Variants in TSGA10 observed in about 807,000 individuals in gnomAD.
TSGA10 encodes the protein testis-specific gene 10 protein.
In TSGA10, 43 loss-of-function variants were observed where a neutral mutation model predicts 96.6. The ratio of observed to expected loss-of-function variants is 0.44; its 90% CI spans 0.35 to 0.57. The LOEUF (loss-of-function observed/expected upper bound fraction) is 0.57. Ranked by LOEUF, TSGA10 falls within the 20% of genes least tolerant of loss-of-function variation. The probability of loss-of-function intolerance (pLI) is 0.01; values close to 1 mark genes in which losing one functional copy is unlikely to be tolerated. For synonymous variants in TSGA10, 229 were observed against 269.9 expected, an observed-to-expected ratio of 0.85 and a Z score of 1.48; for missense variants, 703 against 834.4, an observed-to-expected ratio of 0.84 and a Z score of 1.94.
intron 1 of TSGA10, among the ~76,000 whole-genome samples, chr2:99,139,185 C>T (rs1395406701): frequency 1.3e-5 from 2 of 152,058 alleles, no homozygotes; most frequent in Non-Finnish European, 1.5e-5. Flanking sequence ...ATCACTTGAG[C>T]CCGGGAGGTC....
intron 11 of TSGA10, among the ~76,000 whole-genome samples, chr2:99,080,128 C>T (rs1332153500): frequency 2.0e-5 from 3 of 152,116 alleles, no homozygotes; most frequent in Non-Finnish European, 4.4e-5. Flanking sequence ...TCTTGAGAGA[C>T]TTCTATTCTT....
rs769926254 is a variant in TSGA10, at chr2:99,081,392, A to G, written c.617T>C (p.Leu206Ser). The G allele has an allele frequency of 1.1e-5, 17 of 1,538,426 alleles. No individual in the cohort carries two copies. The South Asian group carries it at 1.8e-4, about 16-fold the overall frequency. ...QKAENNSLRL[L>S]YENTEKDLSD... is the part of the protein sequence containing the mutation. ...AAGATCTTTTTCTGTGTTTTCATAC[A>G]AAAGTCTGCAAATATTTTAATAATA... The change falls in exon 11 of 21, where the codon TTG (leucine) becomes TCG (serine). Residue 206 changes from leucine (L) to serine (S), a missense_variant. Physicochemically the swap from Leu to Ser is moderately radical, Grantham distance 145 (BLOSUM62 -2). This residue lies in a region of TSGA10 where 585 missense variants were observed against 656.8 expected (regional missense o/e 0.89). Coordinates refer to ENST00000393483, the MANE Select transcript of TSGA10 (RefSeq NM_025244.4).
Position 99,035,239 on chromosome 2 carries a change from T to G in TSGA10, c.1605A>C (p.Glu535Asp), listed in dbSNP as rs766435883. The change falls in exon 17 of 21, where the codon GAA (glutamate) becomes GAC (aspartate). Residue 535 changes from glutamate to aspartate, a missense_variant. By Grantham distance (45) the Glu-to-Asp change is conservative. Around this residue, in one of 3 missense-constraint regions of TSGA10, gnomAD observed 585 missense variants for 656.8 expected, o/e 0.89. Coordinates refer to ENST00000393483, the MANE Select transcript of TSGA10 (RefSeq NM_025244.4). ...AAAATATATTACATACCATTTCTAT[T>G]TCTTGATCTTTAGCAACCAGCTGTC... Reference protein sequence around the residue: ...LNRQLVAKDQEIEMRENELDS... With the variant: ...LNRQLVAKDQDIEMRENELDS... 1.9e-6 allele frequency: 3 copies of G among 1,606,408 alleles called. No individual in the cohort carries two copies. Among genetic ancestry groups the G allele is most frequent in the Non-Finnish European group, 2.6e-6 (3 of 1,175,908 alleles).
chr2:99,068,983 AT>A lies in TSGA10; in HGVS notation c.1122del (p.Lys374AsnfsTer2). 2.7e-6 allele frequency: 4 copies of A among 1,463,870 alleles called. No individual in the cohort carries two copies. Among genetic ancestry groups the A allele is most frequent in the South Asian group, 1.6e-5 (1 of 61,314 alleles). 90.7% of individuals were successfully genotyped at this position (1,463,870 alleles called of 1,614,324 possible). A position where few individuals can be genotyped will look rare whatever the true frequency, so the allele number is the denominator to read the frequency against. ...TTAAGTTCATTATGAGTGTCATTCA[AT>A]TTTTTGGACAGTGCCTACGAAAAAA... ...AKQENQALSK[K>X]LNDTHNELND... On this transcript the variant is annotated frameshift_variant, in exon 15 of 21. Transcript: ENST00000393483. LOFTEE classifies it high-confidence loss of function.
rs577855932 is a variant in TSGA10 at position 99,001,335 on chromosome 2, A to G, written c.2073-3114T>C. Reference sequence around the variant, plus strand: ...CAGCCTCCGCTGGTGATACCGAGGCAAACAGGATCTGGAGTGGACCTCCAG... The same window carrying G: ...CAGCCTCCGCTGGTGATACCGAGGCGAACAGGATCTGGAGTGGACCTCCAG... On this transcript the variant is annotated intron_variant, in intron 20 of 20. Transcript: ENST00000393483. Among the ~76,000 whole-genome samples the G allele has an allele frequency of 1.6e-4, 24 of 152,326 alleles. 1 individual carries two copies. The East Asian group carries it at 4.6e-3, about 29-fold the overall frequency.
intron 14 of TSGA10, among the ~76,000 whole-genome samples, chr2:99,070,699 A>C (rs956367824): frequency 6.6e-6 from 1 of 152,154 alleles, no homozygotes; most frequent in Admixed American, 6.5e-5. Flanking sequence ...TAAAGAGTAC[A>C]CAAAGGCAAA....
chr2:99,099,220 G>A (rs549935717), intron 10 of TSGA10, among the ~76,000 whole-genome samples: 148 of 152,334 alleles, frequency 9.7e-4, no homozygotes, highest in African/African-American at 3.4e-3. Flanking sequence ...GCTGAGGCAG[G>A]AGAATCACTT....
At position 99,105,711 on chromosome 2, in the gene TSGA10, C is replaced by A; in HGVS notation, c.211-14G>T. 6.3e-7 allele frequency: 1 copy of A among 1,578,342 alleles called. No homozygotes were observed. The highest frequency in any genetic ancestry group is 8.7e-7 in the Non-Finnish European group (1 of 1,154,954). On this transcript the variant is annotated splice_polypyrimidine_tract_variant and intron_variant, in intron 7 of 20. Transcript: ENST00000393483. ...TTCTTCCTGTGCCTATTATTTAAAT[C>A]ATAGACTTTGGTTGAACAAGCTTTA...
At chr2:99,059,532 G>C (rs557975318) in intron 16 of TSGA10, among the ~76,000 whole-genome samples, 2 of 150,050 alleles carry the variant, frequency 1.3e-5, no homozygotes, top group South Asian at 4.2e-4. Context: ...CCAGCTACTC[G>C]GGAGGCTGAG....
intron 20 of TSGA10, among the ~76,000 whole-genome samples, chr2:99,013,264 T>A (rs2079159491): frequency 1.3e-5 from 2 of 152,202 alleles, no homozygotes; most frequent in Admixed American, 1.3e-4. Context: ...TTAATTTCCA[T>A]CTTGATTTCA....
chr2:99,015,389 T>C (rs1488402414), intron 20 of TSGA10, among the ~76,000 whole-genome samples: 3 of 151,974 alleles, frequency 2.0e-5, no homozygotes, highest in Non-Finnish European at 2.9e-5. Flanking sequence ...AAAACAAAAA[T>C]CATGTGATCA....
chr2:99,126,345 T>C (rs1166137516), intron 2 of TSGA10: 1 of 152,276 alleles, frequency 6.6e-6, no homozygotes, highest in African/African-American at 2.4e-5. Context: ...TTTGTGCCTA[T>C]TGTTATTTCT....
In TSGA10 at chr2:99,150,817, A is replaced by T. The variant is rs148759504; in HGVS notation, c.-621+3876T>A. 5.2e-5 allele frequency: 82 copies of T among 1,591,096 alleles called. No individual in the cohort carries two copies. The African/African-American group carries it at 1.1e-3, about 21-fold the overall frequency. On this transcript the variant is annotated intron_variant, in intron 1 of 20. Coordinates refer to ENST00000393483, the MANE Select transcript of TSGA10 (RefSeq NM_025244.4). ...TGTCAAAGAAAGTGATGGACTAGAA[A>T]TGACAGATGTGGAATGAAGCAATTT...
At chr2:99,122,584 C>G (rs2092628813) in intron 2 of TSGA10, among the ~76,000 whole-genome samples, 1 of 143,944 alleles carries the variant, frequency 6.9e-6, no homozygotes, top group Non-Finnish European at 1.5e-5. Context: ...TCAAGACAAG[C>G]CTGGGAAACA....
At chr2:99,133,790 A>G (rs1415899553) in intron 1 of TSGA10, among the ~76,000 whole-genome samples, 1 of 152,194 alleles carries the variant, frequency 6.6e-6, no homozygotes, top group African/African-American at 2.4e-5. Flanking sequence ...TGGTGACAAA[A>G]TATCTCAGCA....
At chr2:99,150,897 G>A (rs1176326017) in intron 1 of TSGA10, 5 of 1,089,382 alleles carry the variant, frequency 4.6e-6, no homozygotes, top group African/African-American at 1.6e-5. Flanking sequence ...GGTGTTGAAA[G>A]AGAACTTAAC....
intron 17 of TSGA10, among the ~76,000 whole-genome samples, chr2:99,022,500 AAG>A (rs2080138969): frequency 6.6e-6 from 1 of 152,160 alleles, no homozygotes; most frequent in African/African-American, 2.4e-5. Context: ...CAATGTTTTT[AAG>A]AGTTATCGAT....
intron 17 of TSGA10, among the ~76,000 whole-genome samples, chr2:99,027,798 T>C (rs59156264): frequency 0.014 from 2,074 of 152,294 alleles, 37 homozygotes; most frequent in African/African-American, 0.047. Flanking sequence ...TTTCTTTTGT[T>C]TGCTTTATTT....
intron 1 of TSGA10, among the ~76,000 whole-genome samples, chr2:99,128,639 G>T (rs2105007786): frequency 6.6e-6 from 1 of 152,264 alleles, no homozygotes; most frequent in South Asian, 2.1e-4. Context: ...TGATTTATTT[G>T]AATAGCAAGG....
Sources: gnomAD v4.1 joint callset for allele counts (sites outside exome capture counted in the v4.1 genomes callset) on GRCh38, gnomAD v4.1.1 for gene constraint, gnomAD v4.1.1 regional missense constraint, MANE v1.5 for transcripts, NCBI Gene and HGNC (gene_info 2026-07-23, HGNC 2026-07-21) for gene names.